Variants in ZBP1 observed in about 807,000 individuals in gnomAD.
ZBP1 encodes Z-DNA binding protein 1, also known as Z-DNA-binding protein 1.
In ZBP1, 42 loss-of-function variants were observed where a neutral mutation model predicts 41.1. That is an observed-to-expected ratio of 1.02 (90% confidence interval 0.80 to 1.32). The LOEUF is 1.32. Among genes scored for constraint, ZBP1 ranks in the 40% most tolerant of loss-of-function variants. The pLI, the probability that ZBP1 is intolerant of heterozygous loss-of-function variation, is 0.00. For missense variants in ZBP1, 562 were observed against 549.7 expected (o/e 1.02, Z -0.22); for synonymous variants, 214 against 205.2 (o/e 1.04, Z -0.37).
At chr20:57,608,118 A>G (rs1400274618) in intron 7 of ZBP1, among the ~76,000 whole-genome samples, 4 of 145,596 alleles carry the variant, frequency 2.7e-5, no homozygotes, top group Admixed American at 7.2e-5. Flanking sequence ...CAAATCTGGG[A>G]GTGTGACCAT....
At chr20:57,616,181 T>C (rs1442313688) in intron 2 of ZBP1, 63 bp downstream of exon 2, 2 of 1,492,482 alleles carry the variant, frequency 1.3e-6, no homozygotes, top group Non-Finnish European at 1.9e-6. Flanking sequence ...CTCAAATCTG[T>C]GCTTGTCCAT....
At position 57,613,336 on chromosome 20, in the gene ZBP1, A is replaced by G; in HGVS notation, c.503-6T>C. The G allele has an allele frequency of 6.2e-7, 1 of 1,612,054 alleles. No homozygotes were observed. The highest frequency in any genetic ancestry group is 1.7e-5 in the Admixed American group (1 of 60,030). On this transcript the variant is annotated splice_region_variant and splice_polypyrimidine_tract_variant and intron_variant, in intron 4 of 7. Coordinates refer to ENST00000371173, the MANE Select transcript of ZBP1 (RefSeq NM_030776.3). The surrounding 1 kb of genome is among the most constrained non-coding windows in gnomAD (Gnocchi z 4.5). ...TGCTCTTCTTCCAGAATCTTCTGCAAAATAATATTCAACTGTATCCCTTTG... is the reference window on the plus strand; with the variant it reads ...TGCTCTTCTTCCAGAATCTTCTGCAGAATAATATTCAACTGTATCCCTTTG...
In ZBP1 at chr20:57,604,892, G is replaced by C. The variant is rs911063224; in HGVS notation, c.1094-123C>G. 14 of 978,414 alleles carry C rather than the reference G, an allele frequency of 1.4e-5. No homozygotes were observed. The Admixed American group carries it at 3.3e-4, about 23-fold the overall frequency. The allele number at this position is 978,414 out of a possible 1,614,324, so 60.6% of individuals were successfully genotyped here. A position where few individuals can be genotyped will look rare whatever the true frequency, so the allele number is the denominator to read the frequency against. On this transcript the variant is annotated intron_variant, in intron 7 of 7. Transcript: ENST00000371173. ...CTTTGTTGTTACTGTCTTTAGATTT[G>C]TACAAAGTCTTGAACAGGGAGCCCC...
Position 57,610,167 on chromosome 20 carries a change from C to G in ZBP1, c.1075G>C (p.Glu359Gln), listed in dbSNP as rs374417828. The G allele has an allele frequency of 1.2e-6, 2 of 1,613,944 alleles. No homozygotes were observed. The highest frequency in any genetic ancestry group is 1.7e-6 in the Non-Finnish European group (2 of 1,179,988). ...PGGVAGSGEG[E>Q]PGEDAGRRPA... is the part of the protein sequence containing the mutation. ...AGCTCACCTGCGTCCTCCCCTGGCT[C>G]CCCCTCTCCAGACCCTGCGACTCCT... The change falls in exon 7 of 8, where the codon GAG becomes CAG. Residue 359 changes from glutamate (E) to glutamine (Q), a missense_variant. Glu to Gln is a conservative substitution (Grantham distance 29, BLOSUM62 2). Coordinates refer to ENST00000371173, the MANE Select transcript of ZBP1 (RefSeq NM_030776.3). The surrounding 1 kb of genome is among the most constrained non-coding windows in gnomAD (Gnocchi z 5.5).
Position 57,620,318 on chromosome 20 carries a change from C to G in ZBP1, c.-23G>C, listed in dbSNP as rs189082342. 1.9e-6 allele frequency: 3 copies of G among 1,590,040 alleles called. No homozygotes were observed. The highest frequency in any genetic ancestry group is 2.6e-6 in the Non-Finnish European group (3 of 1,167,624). On this transcript the variant is annotated 5_prime_UTR_variant, in exon 1 of 8. Coordinates refer to ENST00000371173, the MANE Select transcript of ZBP1 (RefSeq NM_030776.3). ...CATGCTGACAGCAGCTGCAAGGAGT[C>G]GGAGAGACTTGGCAGGTGTGCAGGC...
At position 57,610,026 on chromosome 20, in the gene ZBP1, C is replaced by T. The variant is rs1351973285; in HGVS notation, c.1093+123G>A. The T allele has an allele frequency of 3.9e-5, 45 of 1,143,040 alleles. No homozygotes were observed. In the East Asian group the frequency reaches 7.0e-4, roughly 18 times the overall value. The allele number at this position is 1,143,040 out of a possible 1,614,324, so 70.8% of individuals were successfully genotyped here. ...GCTGCTGCTCCTCGCTGTGGGTGGG[C>T]ACAGCCTCCAGACTCCGGGAAACCA... On this transcript the variant is annotated intron_variant, in intron 7 of 7. Transcript: ENST00000371173. The surrounding 1 kb of genome is among the most constrained non-coding windows in gnomAD (Gnocchi z 5.5).
intron 4 of ZBP1, among the ~76,000 whole-genome samples, chr20:57,614,311 G>A (rs905794333): frequency 2.6e-5 from 4 of 152,144 alleles, no homozygotes; most frequent in Non-Finnish European, 5.9e-5. Context: ...GATTACAGGC[G>A]TGAGCAACCG....
chr20:57,604,857 C>G, intron 7 of ZBP1, 88 bp from the exon 8 acceptor site: 3 of 1,265,150 alleles, frequency 2.4e-6, no homozygotes, highest in Non-Finnish European at 3.3e-6. Context: ...ATTTCGAGCT[C>G]AGCTTGAGCC....
intron 7 of ZBP1, chr20:57,607,174 G>A (rs1402370016): frequency 7.7e-7 from 1 of 1,304,196 alleles, no homozygotes; most frequent in Non-Finnish European, 1.0e-6. Context: ...CAATCTACAT[G>A]CCGTTAAGAA....
At chr20:57,616,991 CAG>C in intron 1 of ZBP1, 1 of 168,084 alleles carries the variant, frequency 5.9e-6, no homozygotes, top group South Asian at 1.4e-4. Flanking sequence ...ACATCAGAAA[CAG>C]ACCTTTCCCC....
In ZBP1 at chr20:57,613,069, C is replaced by T. The variant is rs762838806; in HGVS notation, c.670+94G>A. The T allele has an allele frequency of 1.3e-6, 2 of 1,561,110 alleles. No individual in the cohort carries two copies. Among genetic ancestry groups the T allele is most frequent in the Non-Finnish European group, 8.7e-7 (1 of 1,152,276 alleles). ...ACCCTTTCCCCTTGGAGGGCAGAAT[C>T]CCCCCACTCCCCATCCCTACCCTTT... On this transcript the variant is annotated intron_variant, in intron 5 of 7. Transcript: ENST00000371173. The surrounding 1 kb of genome is among the most constrained non-coding windows in gnomAD (Gnocchi z 4.5).
At position 57,620,410 on chromosome 20, in the gene ZBP1, G is replaced by T; in HGVS notation, c.-115C>A. On this transcript the variant is annotated 5_prime_UTR_variant, in exon 1 of 8. Coordinates refer to ENST00000371173, the MANE Select transcript of ZBP1 (RefSeq NM_030776.3). Reference sequence around the variant, plus strand: ...GGGGCTTCTGAAGTGGCCGAGCCTGGTGCTTCTTGCAGCTCTGAACCCACA... The same window carrying T: ...GGGGCTTCTGAAGTGGCCGAGCCTGTTGCTTCTTGCAGCTCTGAACCCACA... 2 of 1,195,112 alleles carry T rather than the reference G, an allele frequency of 1.7e-6. No homozygotes were observed. The highest frequency in any genetic ancestry group is 2.4e-6 in the Non-Finnish European group (2 of 848,364). The allele number at this position is 1,195,112 out of a possible 1,614,324, so 74.0% of individuals were successfully genotyped here. A position where few individuals can be genotyped will look rare whatever the true frequency, so the allele number is the denominator to read the frequency against.
chr20:57,619,515 C>G (rs1383023260), intron 1 of ZBP1, among the ~76,000 whole-genome samples: 1 of 152,222 alleles, frequency 6.6e-6, no homozygotes, highest in African/African-American at 2.4e-5. Flanking sequence ...CATTGCAACT[C>G]TTCCAGGAAT....
intron 7 of ZBP1, among the ~76,000 whole-genome samples, chr20:57,605,793 G>A (rs1290406892): frequency 6.6e-6 from 1 of 152,120 alleles, no homozygotes; most frequent in African/African-American, 2.4e-5. Flanking sequence ...AGTTAGCCAG[G>A]CGTGGTGGTG....
chr20:57,605,746 C>G (rs1445218458), intron 7 of ZBP1, among the ~76,000 whole-genome samples: 1 of 152,146 alleles, frequency 6.6e-6, no homozygotes, highest in African/African-American at 2.4e-5. Flanking sequence ...ACCAGCCTGA[C>G]CTACATGGAG....
Position 57,611,411 on chromosome 20 carries a change from A to ATTTTTTTTTTT in ZBP1, c.874+305_874+315dup, listed in dbSNP as rs3068061. 1.8e-3 allele frequency among the ~76,000 whole-genome samples: 173 copies of ATTTTTTTTTTT among 95,124 alleles called. 3 individuals carry two copies. The highest frequency in any genetic ancestry group is 2.6e-3 in the Non-Finnish European group (133 of 51,826). 62.4% of individuals were successfully genotyped at this position (95,124 alleles called of 152,430 possible). On this transcript the variant is annotated intron_variant, in intron 6 of 7. Coordinates refer to ENST00000371173, the MANE Select transcript of ZBP1 (RefSeq NM_030776.3). ...AGGCGCAAGCCACCATGCCCGGTTA[A>ATTTTTTTTTTT]TTTTTTTTTTTTTTTTTTTTGTATT...
intron 3 of ZBP1, 91 bp from the exon 4 acceptor site, chr20:57,615,151 C>A: frequency 7.2e-7 from 1 of 1,388,602 alleles, no homozygotes. Flanking sequence ...TGGACCCAGC[C>A]CCTCAAGGCC....
intron 7 of ZBP1, chr20:57,606,999 C>G: frequency 8.1e-7 from 1 of 1,235,410 alleles, no homozygotes; most frequent in Non-Finnish European, 1.0e-6. Context: ...GTTTTCATGC[C>G]TGCTAGCACA....
chr20:57,611,698 G>T (rs370973847), intron 6 of ZBP1, 29 bp downstream of exon 6: 165 of 1,591,732 alleles, frequency 1.0e-4, no homozygotes, highest in Non-Finnish European at 1.4e-4. Flanking sequence ...GGGTGGCAGA[G>T]TTGGGTCTGG....
Sources: gnomAD v4.1 joint callset for allele counts (sites outside exome capture counted in the v4.1 genomes callset) on GRCh38, gnomAD v4.1.1 for gene constraint, Gnocchi (gnomAD v3.1) non-coding constraint, MANE v1.5 for transcripts, NCBI Gene and HGNC (gene_info 2026-07-23, HGNC 2026-07-21) for gene names.